EDEM3: variants seen among roughly 807,000 people sequenced by gnomAD.
The protein encoded by EDEM3 is ER degradation-enhancing alpha-mannosidase-like protein 3.
EDEM3 carries 60 observed loss-of-function variants against 110.2 expected under a neutral mutation model. The observed-to-expected ratio is 0.54, with a 90% CI of 0.44 to 0.67. EDEM3 has a LOEUF of 0.67. Among genes scored for constraint, EDEM3 ranks in the 30% least tolerant of loss-of-function variants. EDEM3 has a pLI of 0.00. For missense variants in EDEM3, 996 were observed against 1,121.0 expected (o/e 0.89, Z 1.59); for synonymous variants, 352 against 382.9 (o/e 0.92, Z 0.94).
chr1:184,745,368 T>C (rs573802278), intron 2 of EDEM3, among the ~76,000 whole-genome samples: 1 of 152,234 alleles, frequency 6.6e-6, no homozygotes, highest in African/African-American at 2.4e-5. Context: ...CTCCCATTAG[T>C]ACCATGCCTA....
At chr1:184,718,960 A>G (rs1650714182) in intron 11 of EDEM3, among the ~76,000 whole-genome samples, 2 of 152,140 alleles carry the variant, frequency 1.3e-5, no homozygotes, top group African/African-American at 4.8e-5. Context: ...ACTTCTCTTA[A>G]CACACAAAGA....
At chr1:184,712,029 C>G in intron 14 of EDEM3, 152 bp from the exon 15 acceptor site, 1 of 587,054 alleles carries the variant, frequency 1.7e-6, no homozygotes, top group South Asian at 2.6e-5. Flanking sequence ...TGGGTTCATG[C>G]CATTCTCCTG....
intron 11 of EDEM3, 57 bp downstream of exon 11, chr1:184,719,105 T>C: frequency 6.3e-6 from 3 of 479,828 alleles, no homozygotes; most frequent in Non-Finnish European, 9.8e-6. Context: ...TATGTGTACG[T>C]GTGTGTGTGT....
chr1:184,701,626 G>C, intron 19 of EDEM3: 1 of 1,008,894 alleles, frequency 9.9e-7, no homozygotes, highest in Non-Finnish European at 1.3e-6. Context: ...ATTTGCCTAT[G>C]TTAGATGTGC....
intron 12 of EDEM3, 73 bp from the exon 13 acceptor site, chr1:184,717,085 A>T: frequency 7.8e-7 from 1 of 1,278,660 alleles, no homozygotes; most frequent in Non-Finnish European, 1.1e-6. Context: ...TTTACCAAAT[A>T]TTTATTGAGT....
intron 17 of EDEM3, among the ~76,000 whole-genome samples, chr1:184,707,256 G>A (rs1177916166): frequency 6.6e-6 from 1 of 152,026 alleles, no homozygotes; most frequent in African/African-American, 2.4e-5. Flanking sequence ...GTTTTTGAAA[G>A]GGGAAAAAAT....
At chr1:184,736,208 T>C (rs566904359) in intron 4 of EDEM3, among the ~76,000 whole-genome samples, 1 of 152,082 alleles carries the variant, frequency 6.6e-6, no homozygotes, top group African/African-American at 2.4e-5. Flanking sequence ...AAATCACAAG[T>C]GAACCTCTTA....
At position 184,710,457 on chromosome 1, in the gene EDEM3, C is replaced by G. The variant is rs1161795345; in HGVS notation, c.1782G>C (p.Lys594Asn). 3.7e-6 allele frequency: 6 copies of G among 1,613,950 alleles called. No homozygotes were observed. Among genetic ancestry groups the G allele is most frequent in the Non-Finnish European group, 5.1e-6 (6 of 1,179,900 alleles). Reference protein sequence around the residue: ...TNPEHLEILKKMGVSLIHLKD... With the variant: ...TNPEHLEILKNMGVSLIHLKD... ...TGAGGTGAATCAAACTCACCCCCAT[C>G]TTCTTCAGGATTTCTAAATGCTCAG... is the stretch of plus-strand genomic sequence containing the variant. The change falls in exon 16 of 20, where the codon AAG (lysine) becomes AAC (asparagine). Residue 594 changes from lysine (K) to asparagine (N), a missense_variant. Physicochemically the swap from Lys to Asn is moderately conservative, Grantham distance 94. Transcript: ENST00000318130.
intron 19 of EDEM3, among the ~76,000 whole-genome samples, chr1:184,697,440 G>A (rs1207370163): frequency 6.6e-6 from 1 of 151,846 alleles, no homozygotes; most frequent in Non-Finnish European, 1.5e-5. Context: ...GAATCAGTGA[G>A]GGGAGAGTTG....
chr1:184,733,324 C>T (rs1219800048), intron 5 of EDEM3, among the ~76,000 whole-genome samples: 3 of 152,090 alleles, frequency 2.0e-5, no homozygotes, highest in African/African-American at 7.2e-5. Context: ...AGTTGTATCA[C>T]CATGAAGTCT....
intron 3 of EDEM3, among the ~76,000 whole-genome samples, chr1:184,737,400 C>T (rs1651888173): frequency 6.6e-6 from 1 of 152,102 alleles, no homozygotes; most frequent in Non-Finnish European, 1.5e-5. Flanking sequence ...TTATATGCAG[C>T]TTAACAACTA....
intron 2 of EDEM3, 156 bp from the exon 3 acceptor site, chr1:184,737,867 AATGTAATAC>A (rs1407039168): frequency 4.7e-6 from 3 of 634,868 alleles, no homozygotes; most frequent in Non-Finnish European, 5.1e-6. Flanking sequence ...TTTAATTACA[AATGTAATAC>A]ATGCTTGGAA....
rs193003863 is a variant in EDEM3, at chr1:184,703,551, T to G, written c.2204-555A>C. On this transcript the variant is annotated intron_variant, in intron 18 of 19. Transcript: ENST00000318130. ...GTGCTTCTTCCTCTATAAGCTAAAC[T>G]AAACAGTATTGCTATTTTGCATTGG... Among the ~76,000 whole-genome samples the G allele has an allele frequency of 7.9e-4, 120 of 152,336 alleles. 1 individual carries two copies. Among genetic ancestry groups the G allele is most frequent in the Non-Finnish European group, 1.5e-3 (102 of 68,034 alleles).
intron 16 of EDEM3, among the ~76,000 whole-genome samples, chr1:184,709,762 G>T (rs1051410125): frequency 6.6e-6 from 1 of 152,196 alleles, no homozygotes; most frequent in Non-Finnish European, 1.5e-5. Flanking sequence ...AGGGTGTGAT[G>T]AAGTTGTGGG....
intron 7 of EDEM3, among the ~76,000 whole-genome samples, chr1:184,725,236 G>C (rs1651125213): frequency 6.6e-6 from 1 of 151,964 alleles, no homozygotes. Flanking sequence ...TAGCCCACTG[G>C]AAAGAGTATG....
Position 184,719,235 on chromosome 1 carries a change from C to A in EDEM3, c.1088G>T (p.Gly363Val). 1 of 1,564,428 alleles carries A rather than the reference C, an allele frequency of 6.4e-7. No homozygotes were observed. The highest frequency in any genetic ancestry group is 8.6e-7 in the Non-Finnish European group (1 of 1,159,240). ...AFFPGLQVLKGDIRPAIETHE... is the reference protein window; with the variant it reads ...AFFPGLQVLKVDIRPAIETHE... ...AGTTTCAATAGCAGGTCTAATATCC[C>A]CCTTTAACACCTAGAAATCAACAAC... Residue 363 changes from glycine to valine, a missense_variant, in exon 11 of 20, where the codon GGG becomes GTG. By Grantham distance (109) the Gly-to-Val change is moderately radical. Transcript: ENST00000318130.
intron 1 of EDEM3, among the ~76,000 whole-genome samples, chr1:184,751,223 C>T (rs952592753): frequency 8.6e-5 from 13 of 150,816 alleles, no homozygotes; most frequent in Admixed American, 5.9e-4. Context: ...GACTCTTATC[C>T]TGTCCTAAGC....
chr1:184,744,958 A>G (rs2102130928), intron 2 of EDEM3, among the ~76,000 whole-genome samples: 1 of 152,224 alleles, frequency 6.6e-6, no homozygotes, highest in Middle Eastern at 3.4e-3. Flanking sequence ...CAAGGTTGCT[A>G]GGCGTCAGAG....
chr1:184,706,542 A>G, intron 18 of EDEM3, 101 bp downstream of exon 18: 1 of 1,168,506 alleles, frequency 8.6e-7, no homozygotes, highest in Non-Finnish European at 1.2e-6. Flanking sequence ...GGTAAAAAAA[A>G]CTATGACAAA....
Sources: gnomAD v4.1 joint callset for allele counts (sites outside exome capture counted in the v4.1 genomes callset) on GRCh38, gnomAD v4.1.1 for gene constraint, MANE v1.5 for transcripts, NCBI Gene and HGNC (gene_info 2026-07-23, HGNC 2026-07-21) for gene names.